The following SBNO2 variants were observed in gnomAD, a reference collection of about 807,000 sequenced individuals.
SBNO2 encodes strawberry notch homolog 2, also known as protein strawberry notch homolog 2.
SBNO2 carries 89 observed loss-of-function variants against 146.3 expected under a neutral mutation model. That is an observed-to-expected ratio of 0.61 (90% CI 0.51 to 0.73). The LOEUF (loss-of-function observed/expected upper bound fraction) is 0.73. Ranked by LOEUF, SBNO2 falls within the 30% of genes least tolerant of loss-of-function variation. SBNO2 has a pLI of 0.00. For synonymous variants in SBNO2, 1,147 were observed against 892.6 expected, an observed-to-expected ratio of 1.29 and a Z score of -5.08; for missense variants, 2,092 against 2,003.7, an observed-to-expected ratio of 1.04 and a Z score of -0.84.
At chr19:1,159,791 G>C in intron 1 of SBNO2, among the ~76,000 whole-genome samples, 1 of 107,292 alleles carries the variant, frequency 9.3e-6, no homozygotes, top group Non-Finnish European at 1.9e-5. Flanking sequence ...GGGGACAGTG[G>C]GGGAACAGCG....
rs979065007 is a variant in SBNO2, at chr19:1,108,127, C to T, written c.*93G>A. Reference sequence around the variant, plus strand: ...GGCCAGGGCCTAGGGCTCCTCTGAGCAGTGGTCAGGGGACCTTGGCCCTGC... The same window carrying T: ...GGCCAGGGCCTAGGGCTCCTCTGAGTAGTGGTCAGGGGACCTTGGCCCTGC... On this transcript the variant is annotated 3_prime_UTR_variant, in exon 32 of 32. Transcript: ENST00000361757. 2.2e-5 allele frequency: 29 copies of T among 1,327,322 alleles called. No individual in the cohort carries two copies. The highest frequency in any genetic ancestry group is 2.9e-5 in the Non-Finnish European group (29 of 1,011,884). The allele number at this position is 1,327,322 out of a possible 1,614,324, so 82.2% of individuals were successfully genotyped here. A position where few individuals can be genotyped will look rare whatever the true frequency, so the allele number is the denominator to read the frequency against.
At position 1,149,375 on chromosome 19, in the gene SBNO2, T is replaced by C. The variant is rs911492843; in HGVS notation, c.161A>G (p.Asp54Gly). ...SLPPYPAFSS[D>G]SRPFMSSASF... Reference sequence around the variant, plus strand: ...GGAGGGTCCCGGTACTCACCGGCTGTCGCTGGAGAAGGCAGGGTATGGCGG... The same window carrying C: ...GGAGGGTCCCGGTACTCACCGGCTGCCGCTGGAGAAGGCAGGGTATGGCGG... The change falls in exon 3 of 32, where the codon GAC (aspartate) becomes GGC (glycine). Residue 54 changes from aspartate to glycine, a missense_variant. By Grantham distance (94) the Asp-to-Gly change is moderately conservative. Transcript: ENST00000361757. The C allele has an allele frequency of 4.5e-6, 7 of 1,551,864 alleles. No homozygotes were observed. The highest frequency in any genetic ancestry group is 1.4e-5 in the African/African-American group (1 of 73,088).
At position 1,127,503 on chromosome 19, in the gene SBNO2, CAG is replaced by C; in HGVS notation, c.441+99_441+100del. ...AGTGACAGGCACAGCCATTGGCACGCAGAGTGGGGGAGACTGAGACCTCACTG... is the reference window on the plus strand; with the variant it reads ...AGTGACAGGCACAGCCATTGGCACGCAGTGGGGGAGACTGAGACCTCACTG... On this transcript the variant is annotated intron_variant, in intron 5 of 31. Transcript: ENST00000361757. 5.3e-6 allele frequency: 6 copies of C among 1,125,902 alleles called. No individual in the cohort carries two copies. In the South Asian group the frequency reaches 8.0e-5, roughly 15 times the overall value. The allele number at this position is 1,125,902 out of a possible 1,614,324, so 69.7% of individuals were successfully genotyped here.
intron 5 of SBNO2, among the ~76,000 whole-genome samples, chr19:1,124,967 G>A (rs1231317325): frequency 5.3e-5 from 8 of 152,094 alleles, no homozygotes; most frequent in Admixed American, 4.6e-4. Flanking sequence ...GATGGCTGGG[G>A]GATGGTAGGG....
At position 1,108,298 on chromosome 19, in the gene SBNO2, G is replaced by A. The variant is rs1214850331; in HGVS notation, c.4023C>T (p.Gly1341=). The A allele has an allele frequency of 4.7e-6, 7 of 1,482,256 alleles. No homozygotes were observed. The highest frequency in any genetic ancestry group is 3.0e-5 in the East Asian group (1 of 33,310). The allele number at this position is 1,482,256 out of a possible 1,614,324, so 91.8% of individuals were successfully genotyped here. Residue 1341 remains glycine (G), a synonymous_variant, in exon 32 of 32, where the codon GGC becomes GGT. Transcript: ENST00000361757. ...GCCGCTCGGGACCACCGCCCGCCGC[G>A]CCCCCCGCCCCCGCGCCCTCCCCCA... ...GALGEGAGAG[G]AAGGGPERQS...
intron 1 of SBNO2, among the ~76,000 whole-genome samples, chr19:1,167,696 A>C (rs1045241754): frequency 8.6e-5 from 13 of 151,900 alleles, no homozygotes; most frequent in African/African-American, 3.1e-4. Context: ...GTGCCCCGGG[A>C]GGCACCACAC....
intron 4 of SBNO2, 141 bp downstream of exon 4, chr19:1,147,168 C>G (rs4807599): frequency 3.3e-6 from 2 of 601,266 alleles, no homozygotes; most frequent in Non-Finnish European, 5.8e-6. Flanking sequence ...ACTGCCCCAC[C>G]GTAAACCCTG....
chr19:1,159,430 C>A (rs997853453), intron 1 of SBNO2, among the ~76,000 whole-genome samples: 2 of 130,718 alleles, frequency 1.5e-5, no homozygotes, highest in African/African-American at 3.0e-5. Flanking sequence ...CAGTGAGAGA[C>A]CTTGGGGGGA....
intron 1 of SBNO2, among the ~76,000 whole-genome samples, chr19:1,167,892 T>TC (rs2080441434): frequency 6.6e-6 from 1 of 152,096 alleles, no homozygotes. Flanking sequence ...GGGGACACGC[T>TC]CCCACTCCTT....
intron 4 of SBNO2, 85 bp downstream of exon 4, chr19:1,147,224 A>T: frequency 1.1e-6 from 1 of 916,514 alleles, no homozygotes; most frequent in Non-Finnish European, 1.7e-6. Flanking sequence ...GGCAGGCCTG[A>T]GCGAGAGAGG....
rs2079721784 is a variant in SBNO2 at position 1,109,288 on chromosome 19, C to CT, written c.3348+3dup. ...AGCGAAAGCTGCGCCCGGCGGCCGC[C>CT]TACCCGGTGGAACTTGCGGCGGAGG... On this transcript the variant is annotated splice_donor_region_variant and intron_variant, in intron 29 of 31. Transcript: ENST00000361757. The surrounding 1 kb of genome is among the most constrained non-coding windows in gnomAD (Gnocchi z 4.2). 6.9e-6 allele frequency: 11 copies of CT among 1,591,136 alleles called. No individual in the cohort carries two copies. The highest frequency in any genetic ancestry group is 9.4e-6 in the Non-Finnish European group (11 of 1,169,884).
At chr19:1,162,052 T>C (rs1228890086) in intron 1 of SBNO2, among the ~76,000 whole-genome samples, 1 of 150,526 alleles carries the variant, frequency 6.6e-6, no homozygotes, top group Non-Finnish European at 1.5e-5. Flanking sequence ...GCAGGCGCCC[T>C]CCTGGCCCCG....
At chr19:1,130,272 G>A (rs907754918) in intron 4 of SBNO2, among the ~76,000 whole-genome samples, 4 of 152,122 alleles carry the variant, frequency 2.6e-5, no homozygotes, top group African/African-American at 4.8e-5. Context: ...CAGGGAGCCC[G>A]GGAGTGGGTG....
At position 1,167,438 on chromosome 19, in the gene SBNO2, C is replaced by T. The variant is rs544938561; in HGVS notation, c.-127+6734G>A. Among the ~76,000 whole-genome samples the T allele has an allele frequency of 3.3e-5, 5 of 152,316 alleles. No homozygotes were observed. In the South Asian group the frequency reaches 1.0e-3, roughly 32 times the overall value. ...TCTGGGTTCTCCGGGAGAGTCCGCG[C>T]CTGAGCTCGGCCGGGGGCGGGATTC... On this transcript the variant is annotated intron_variant, in intron 1 of 31. Transcript: ENST00000361757.
intron 3 of SBNO2, among the ~76,000 whole-genome samples, 187 bp from the exon 4 acceptor site, chr19:1,147,607 G>C (rs2080205674): frequency 6.6e-6 from 1 of 152,012 alleles, no homozygotes; most frequent in African/African-American, 2.4e-5. Context: ...GGTCAAGCCT[G>C]GGGCTGCCCT....
chr19:1,161,755 C>T (rs1004776291), intron 1 of SBNO2, among the ~76,000 whole-genome samples: 2 of 152,056 alleles, frequency 1.3e-5, no homozygotes, highest in Admixed American at 6.5e-5. Flanking sequence ...ATCAGAACTG[C>T]GTAGGGAGCT....
rs1378513593 is a variant in SBNO2, at chr19:1,116,060, T to G, written c.1846A>C (p.Lys616Gln). ...SLIQKHFPSTKRKRDRGAGSK... is the reference protein window; with the variant it reads ...SLIQKHFPSTQRKRDRGAGSK... ...CCCGCTCCTCTGTCCCGCTTTCTCT[T>G]GGTGGACGGAAAGTGCTTCTGAATT... Residue 616 changes from lysine (K) to glutamine (Q), a missense_variant, in exon 17 of 32, where the codon AAG becomes CAG. By Grantham distance (53) the Lys-to-Gln change is moderately conservative. Transcript: ENST00000361757. 3.1e-6 allele frequency: 5 copies of G among 1,610,680 alleles called. No homozygotes were observed. Among genetic ancestry groups the G allele is most frequent in the Non-Finnish European group, 4.2e-6 (5 of 1,179,098 alleles).
At chr19:1,111,972 C>A (rs767892560) in intron 23 of SBNO2, 24 bp downstream of exon 23, 39 of 1,607,192 alleles carry the variant, frequency 2.4e-5, no homozygotes, top group Non-Finnish European at 3.2e-5. Context: ...GCCCCGCCCC[C>A]CAACCCTGCC....
intron 18 of SBNO2, 40 bp downstream of exon 18, chr19:1,114,191 C>G: frequency 7.1e-7 from 1 of 1,410,826 alleles, no homozygotes; most frequent in Non-Finnish European, 9.3e-7. Flanking sequence ...GACTGGAATC[C>G]TGACCCACAG....
Sources: allele counts gnomAD v4.1 joint callset (sites outside exome capture counted in the v4.1 genomes callset), GRCh38; gene constraint gnomAD v4.1.1; non-coding constraint Gnocchi (gnomAD v3.1); transcripts MANE v1.5; gene names NCBI Gene and HGNC (gene_info 2026-07-23, HGNC 2026-07-21).